Variants in SGCZ observed in about 807,000 individuals in gnomAD.
SGCZ encodes the protein sarcoglycan zeta.
A neutral mutation model predicts 41.3 loss-of-function variants in SGCZ; 40 were observed. The ratio of observed to expected loss-of-function variants is 0.97; its 90% CI spans 0.75 to 1.26. SGCZ has a LOEUF of 1.26. SGCZ is among the 50% of genes most tolerant of loss of function. The pLI is 0.00. For synonymous variants in SGCZ, 206 were observed against 137.5 expected, an observed-to-expected ratio of 1.50 and a Z score of -3.49; for missense variants, 552 against 369.8, an observed-to-expected ratio of 1.49 and a Z score of -4.04.
intron 2 of SGCZ, among the ~76,000 whole-genome samples, chr8:14,485,852 T>TTTTTTTTTTTA (rs1801657703): frequency 7.5e-6 from 1 of 133,812 alleles, no homozygotes; most frequent in Non-Finnish European, 1.6e-5. Context: ...TTTTTTTTTT[T>TTTTTTTTTTTA]GAGACGGAGT....
intron 1 of SGCZ, among the ~76,000 whole-genome samples, chr8:14,914,098 A>C (rs747020890): frequency 6.6e-6 from 1 of 151,998 alleles, no homozygotes; most frequent in Non-Finnish European, 1.5e-5. Context: ...GGTGTGAGAG[A>C]TTACTCAGAA....
intron 4 of SGCZ, among the ~76,000 whole-genome samples, chr8:14,226,517 C>G (rs1457639568): frequency 6.6e-6 from 1 of 152,068 alleles, no homozygotes; most frequent in African/African-American, 2.4e-5. Flanking sequence ...CTTATTTTAC[C>G]TAACATAATG....
At chr8:14,519,175 A>C (rs972264957) in intron 2 of SGCZ, among the ~76,000 whole-genome samples, 1 of 152,006 alleles carries the variant, frequency 6.6e-6, no homozygotes, top group Non-Finnish European at 1.5e-5. Flanking sequence ...AATTTAAATG[A>C]ATAAACAGTG....
chr8:14,409,792 G>C (rs1215022446), intron 2 of SGCZ, among the ~76,000 whole-genome samples: 3 of 152,108 alleles, frequency 2.0e-5, no homozygotes, highest in African/African-American at 7.2e-5. Flanking sequence ...TTGGAAAGTA[G>C]ATTACCAGTT....
chr8:14,287,697 G>T (rs1800688675), intron 3 of SGCZ, among the ~76,000 whole-genome samples: 1 of 151,984 alleles, frequency 6.6e-6, no homozygotes, highest in Non-Finnish European at 1.5e-5. Flanking sequence ...ATTTTCAAAA[G>T]TTCTTCAGGT....
intron 1 of SGCZ, among the ~76,000 whole-genome samples, chr8:15,149,827 C>T (rs990204401): frequency 5.3e-5 from 8 of 151,584 alleles, no homozygotes; most frequent in Non-Finnish European, 1.0e-4. Context: ...CTAATAACCA[C>T]GGAAGTGTCC....
At chr8:14,174,719 G>A (rs567358161) in intron 4 of SGCZ, among the ~76,000 whole-genome samples, 6 of 152,260 alleles carry the variant, frequency 3.9e-5, no homozygotes, top group Non-Finnish European at 7.4e-5. Flanking sequence ...GGAATATGGT[G>A]TGCCTTGCCA....
At chr8:14,290,074 T>C (rs1043511107) in intron 3 of SGCZ, among the ~76,000 whole-genome samples, 9 of 151,938 alleles carry the variant, frequency 5.9e-5, no homozygotes, top group African/African-American at 2.2e-4. Context: ...TCCCACCAGG[T>C]CCCTCCCTTG....
chr8:14,854,181 C>T (rs751375113), intron 1 of SGCZ, among the ~76,000 whole-genome samples: 4 of 151,326 alleles, frequency 2.6e-5, no homozygotes, highest in Non-Finnish European at 5.9e-5. Context: ...GTTACCTCAT[C>T]TTCACTATTT....
At chr8:14,271,525 G>A (rs868045895) in intron 3 of SGCZ, among the ~76,000 whole-genome samples, 2 of 152,190 alleles carry the variant, frequency 1.3e-5, no homozygotes, top group Non-Finnish European at 2.9e-5. Context: ...TTCACTGGAG[G>A]TGGGTTCTGG....
chr8:14,409,983 C>T (rs142221322), intron 2 of SGCZ, among the ~76,000 whole-genome samples: 1,607 of 152,228 alleles, frequency 0.011, 26 homozygotes, highest in African/African-American at 0.035. Context: ...TCCCAGGCCA[C>T]GGACCAGTAA....
intron 2 of SGCZ, among the ~76,000 whole-genome samples, chr8:14,365,921 A>G (rs1264138832): frequency 6.6e-6 from 1 of 152,110 alleles, no homozygotes; most frequent in Non-Finnish European, 1.5e-5. Flanking sequence ...TTCTTCACCA[A>G]TACTGAAAAT....
chr8:15,012,293 C>T (rs900825842), intron 1 of SGCZ, among the ~76,000 whole-genome samples: 1 of 151,238 alleles, frequency 6.6e-6, no homozygotes, highest in African/African-American at 2.4e-5. Flanking sequence ...CAAACCTCCA[C>T]CTCTACAGAA....
At chr8:14,220,704 G>A (rs1347555837) in intron 4 of SGCZ, among the ~76,000 whole-genome samples, 6 of 151,924 alleles carry the variant, frequency 3.9e-5, no homozygotes, top group Non-Finnish European at 8.8e-5. Flanking sequence ...GGAGAATGGC[G>A]TGAACCCGGG....
At position 14,119,806 on chromosome 8, in the gene SGCZ, T is replaced by A. The variant is rs372768014; in HGVS notation, c.548-11571A>T. ...AATTTTATCAAAGGCCTTTTCTGAA[T>A]CTATTTAGATAATCGTGTGGTTTTT... On this transcript the variant is annotated intron_variant, in intron 5 of 7. Transcript: ENST00000382080. 6.6e-5 allele frequency among the ~76,000 whole-genome samples: 10 copies of A among 152,274 alleles called. No individual in the cohort carries two copies. In the East Asian group the frequency reaches 1.9e-3, roughly 29 times the overall value.
At chr8:14,438,689 G>A (rs1800160588) in intron 2 of SGCZ, among the ~76,000 whole-genome samples, 3 of 151,842 alleles carry the variant, frequency 2.0e-5, no homozygotes. Flanking sequence ...ATTTCATGAG[G>A]CTAAAATAAG....
chr8:14,984,481 T>C (rs1801767047), intron 1 of SGCZ, among the ~76,000 whole-genome samples: 1 of 152,142 alleles, frequency 6.6e-6, no homozygotes, highest in South Asian at 2.1e-4. Flanking sequence ...AGATTTTTTT[T>C]CCTCTCTATT....
chr8:14,635,692 A>T (rs149349646), intron 1 of SGCZ, among the ~76,000 whole-genome samples: 65 of 151,908 alleles, frequency 4.3e-4, no homozygotes, highest in Middle Eastern at 3.4e-3. Flanking sequence ...AAAGTGATTA[A>T]ATTTCTGGGT....
At chr8:14,681,543 C>T (rs568526975) in intron 1 of SGCZ, among the ~76,000 whole-genome samples, 18 of 152,210 alleles carry the variant, frequency 1.2e-4, no homozygotes, top group African/African-American at 3.6e-4. Context: ...TCATGTTGCT[C>T]GGACTTCGAA....
Sources: allele counts gnomAD v4.1 joint callset (sites outside exome capture counted in the v4.1 genomes callset), GRCh38; gene constraint gnomAD v4.1.1; transcripts MANE v1.5; gene names NCBI Gene and HGNC (gene_info 2026-07-23, HGNC 2026-07-21).